CHRM3: variants seen among roughly 807,000 people sequenced by gnomAD.
The protein encoded by CHRM3 is muscarinic acetylcholine receptor M3.
CHRM3 carries 11 observed loss-of-function variants against 41.8 expected under a neutral mutation model. The ratio of observed to expected loss-of-function variants is 0.26; its 90% confidence interval spans 0.17 to 0.44. The LOEUF is 0.44. Ranked by LOEUF, CHRM3 falls within the 20% of genes least tolerant of loss-of-function variation. The probability of loss-of-function intolerance (pLI) is 1.00; values close to 1 mark genes in which losing one functional copy is unlikely to be tolerated. For missense variants in CHRM3, 571 were observed against 745.4 expected (o/e 0.77, Z 2.72); for synonymous variants, 297 against 301.4 (o/e 0.99, Z 0.15).
intron 2 of CHRM3, among the ~76,000 whole-genome samples, chr1:239,503,227 T>A (rs1207706470): frequency 6.6e-6 from 1 of 152,146 alleles, no homozygotes; most frequent in Non-Finnish European, 1.5e-5. Flanking sequence ...GAATACAAGA[T>A]TAATGTACAC....
intron 2 of CHRM3, among the ~76,000 whole-genome samples, chr1:239,515,725 T>C (rs1669223397): frequency 6.6e-6 from 1 of 152,226 alleles, no homozygotes; most frequent in Non-Finnish European, 1.5e-5. Flanking sequence ...TAAAATGTGA[T>C]GGAGTATGCC....
At chr1:239,572,899 G>T (rs913414617) in intron 3 of CHRM3, among the ~76,000 whole-genome samples, 2 of 152,112 alleles carry the variant, frequency 1.3e-5, no homozygotes, top group African/African-American at 4.8e-5. Flanking sequence ...GTCTTCCTTT[G>T]TCTGTGATTG....
chr1:239,773,633 T>C (rs1345519474), intron 5 of CHRM3, among the ~76,000 whole-genome samples: 2 of 152,196 alleles, frequency 1.3e-5, no homozygotes, highest in African/African-American at 4.8e-5. Flanking sequence ...TGTCTTATAA[T>C]TCTGAAAAGG....
At chr1:239,415,742 C>T (rs1251553439) in intron 1 of CHRM3, among the ~76,000 whole-genome samples, 1 of 152,144 alleles carries the variant, frequency 6.6e-6, no homozygotes, top group Admixed American at 6.6e-5. Context: ...AGGAGAAAAA[C>T]ATTTTTCAGT....
At chr1:239,443,446 G>GA (rs960101768) in intron 1 of CHRM3, among the ~76,000 whole-genome samples, 16 of 150,792 alleles carry the variant, frequency 1.1e-4, no homozygotes, top group East Asian at 7.8e-4. Context: ...ATCAAATCTA[G>GA]AAAAAAAAAC....
chr1:239,570,667 C>T (rs934949681), intron 3 of CHRM3, among the ~76,000 whole-genome samples: 1 of 152,004 alleles, frequency 6.6e-6, no homozygotes, highest in Non-Finnish European at 1.5e-5. Flanking sequence ...AACTGACAGC[C>T]GAGAGTGCTT....
At chr1:239,629,282 C>T (rs1669486923) in intron 3 of CHRM3, 2 of 122,000 alleles carry the variant, frequency 1.6e-5, no homozygotes, top group South Asian at 6.0e-4. Context: ...CTTCCGTCAC[C>T]CCTTTCTTTG....
intron 6 of CHRM3, among the ~76,000 whole-genome samples, chr1:239,896,086 G>A (rs1678978397): frequency 6.6e-6 from 1 of 152,204 alleles, no homozygotes; most frequent in Non-Finnish European, 1.5e-5. Flanking sequence ...ACAAACTTGA[G>A]TAGGTGAAGA....
chr1:239,394,557 C>T (rs1241471504), intron 1 of CHRM3, among the ~76,000 whole-genome samples: 4 of 152,054 alleles, frequency 2.6e-5, no homozygotes, highest in Admixed American at 1.3e-4. Context: ...TTGGAGGGAC[C>T]GCCATTCAGA....
At chr1:239,840,358 C>A (rs188343242) in intron 6 of CHRM3, among the ~76,000 whole-genome samples, 11 of 152,222 alleles carry the variant, frequency 7.2e-5, no homozygotes, top group Non-Finnish European at 1.2e-4. Context: ...CAGTGGCCTG[C>A]AGCACTCAAA....
chr1:239,850,532 CT>C (rs1484054160), intron 6 of CHRM3, among the ~76,000 whole-genome samples: 5 of 152,166 alleles, frequency 3.3e-5, no homozygotes, highest in African/African-American at 1.2e-4. Flanking sequence ...AAAATGTCAT[CT>C]CATTTGTTAA....
chr1:239,520,167 T>C (rs1669547614), intron 2 of CHRM3, among the ~76,000 whole-genome samples: 2 of 152,284 alleles, frequency 1.3e-5, no homozygotes, highest in South Asian at 4.2e-4. Context: ...TTAGTATTCT[T>C]ATACCCAAGA....
chr1:239,738,468 CA>C (rs551396633), intron 5 of CHRM3, among the ~76,000 whole-genome samples: 206 of 152,244 alleles, frequency 1.4e-3, no homozygotes, highest in African/African-American at 4.7e-3. Flanking sequence ...AGGCCAGGCT[CA>C]GGGGGGGTTT....
intron 1 of CHRM3, among the ~76,000 whole-genome samples, chr1:239,452,639 C>T (rs1375588570): frequency 1.3e-5 from 2 of 152,110 alleles, no homozygotes; most frequent in African/African-American, 2.4e-5. Context: ...GTGTCAAATT[C>T]GTTACCCAAA....
intron 5 of CHRM3, among the ~76,000 whole-genome samples, chr1:239,680,424 A>C (rs1658445869): frequency 6.6e-6 from 1 of 152,126 alleles, no homozygotes; most frequent in Non-Finnish European, 1.5e-5. Flanking sequence ...TTCTCCTCCC[A>C]GAAGTGACCC....
At chr1:239,691,259 G>C (rs1240674399) in intron 5 of CHRM3, among the ~76,000 whole-genome samples, 1 of 152,062 alleles carries the variant, frequency 6.6e-6, no homozygotes, top group Non-Finnish European at 1.5e-5. Flanking sequence ...GATCCCTTCA[G>C]ACATATAAAA....
At chr1:239,678,100 C>T (rs1218200658) in intron 4 of CHRM3, 86 bp from the exon 5 acceptor site, 1 of 152,182 alleles carries the variant, frequency 6.6e-6, no homozygotes. Flanking sequence ...AATTAATATT[C>T]CATCTCACAA....
intron 5 of CHRM3, among the ~76,000 whole-genome samples, chr1:239,695,409 A>G (rs1310493500): frequency 6.6e-6 from 1 of 152,114 alleles, no homozygotes; most frequent in Non-Finnish European, 1.5e-5. Flanking sequence ...TATTTTGTAG[A>G]TTGTTATTTA....
chr1:239,815,077 G>A (rs146225048), intron 5 of CHRM3, among the ~76,000 whole-genome samples: 151 of 152,230 alleles, frequency 9.9e-4, no homozygotes, highest in Middle Eastern at 3.4e-3. Flanking sequence ...TGCCCGGCCC[G>A]CTGTTTGCTT....
Sources: gnomAD v4.1 joint callset for allele counts (sites outside exome capture counted in the v4.1 genomes callset) on GRCh38, gnomAD v4.1.1 for gene constraint, MANE v1.5 for transcripts, NCBI Gene and HGNC (gene_info 2026-07-23, HGNC 2026-07-21) for gene names.